The following MPZL1 variants were observed in gnomAD, a reference collection of about 807,000 sequenced individuals.
MPZL1 encodes the protein myelin protein zero like 1.
MPZL1 carries 16 observed loss-of-function variants against 29.3 expected under a neutral mutation model. The observed-to-expected ratio is 0.55, with a 90% CI of 0.37 to 0.83. The LOEUF (loss-of-function observed/expected upper bound fraction) is 0.83. MPZL1 is among the 40% of genes least tolerant of loss of function. The pLI, the probability that MPZL1 is intolerant of heterozygous loss-of-function variation, is 0.00. For synonymous variants in MPZL1, 143 were observed against 132.0 expected, an observed-to-expected ratio of 1.08 and a Z score of -0.57; for missense variants, 279 against 332.9, an observed-to-expected ratio of 0.84 and a Z score of 1.26.
In MPZL1 at chr1:167,725,164, A is replaced by G. The variant is rs116184038; in HGVS notation, c.91+2922A>G. On this transcript the variant is annotated intron_variant, in intron 1 of 5. Coordinates refer to ENST00000359523, the MANE Select transcript of MPZL1 (RefSeq NM_003953.6). Reference sequence around the variant, plus strand: ...TCTTCCCTGTCCTTCACATCCAATCAGTTCTCCCATCTTTAAAATGCATCT... The same window carrying G: ...TCTTCCCTGTCCTTCACATCCAATCGGTTCTCCCATCTTTAAAATGCATCT... Among the ~76,000 whole-genome samples, 621 of 152,280 alleles carry G rather than the reference A, an allele frequency of 4.1e-3. 3 individuals carry two copies. The highest frequency in any genetic ancestry group is 0.014 in the African/African-American group (595 of 41,546).
chr1:167,745,234 G>C (rs1660620523), intron 1 of MPZL1, among the ~76,000 whole-genome samples: 1 of 152,118 alleles, frequency 6.6e-6, no homozygotes, highest in African/African-American at 2.4e-5. Flanking sequence ...CCTGAGGAAA[G>C]GGGTACAGCT....
chr1:167,754,523 A>G (rs927945622), intron 1 of MPZL1, among the ~76,000 whole-genome samples: 36 of 152,338 alleles, frequency 2.4e-4, no homozygotes, highest in Non-Finnish European at 4.4e-4. Context: ...GTAAACTTAT[A>G]CAAGTGTGTT....
Position 167,722,044 on chromosome 1 carries a change from C to A in MPZL1, c.-108C>A. Reference sequence around the variant, plus strand: ...AGCGCGGCGTGGAGGTGCCACCCGGCGCGGGTGGCGGAGAGATCAGAAGCC... The same window carrying A: ...AGCGCGGCGTGGAGGTGCCACCCGGAGCGGGTGGCGGAGAGATCAGAAGCC... On this transcript the variant is annotated 5_prime_UTR_variant, in exon 1 of 6. Transcript: ENST00000359523. The A allele has an allele frequency of 1.6e-6, 2 of 1,218,208 alleles. No individual in the cohort carries two copies. 75.5% of individuals were successfully genotyped at this position (1,218,208 alleles called of 1,614,324 possible).
chr1:167,763,275 G>T (rs74319551), intron 1 of MPZL1, among the ~76,000 whole-genome samples: 24,892 of 152,074 alleles, frequency 0.16, 2,363 homozygotes, highest in East Asian at 0.35. Flanking sequence ...AGCACTTTGG[G>T]GGGGCCGGGG....
intron 2 of MPZL1, among the ~76,000 whole-genome samples, chr1:167,767,433 A>G (rs1379107734): frequency 6.6e-6 from 1 of 152,254 alleles, no homozygotes; most frequent in Non-Finnish European, 1.5e-5. Flanking sequence ...TTTATGCTGG[A>G]AACAGTCTTG....
At chr1:167,764,170 T>TC (rs1461043340) in intron 1 of MPZL1, among the ~76,000 whole-genome samples, 1 of 152,232 alleles carries the variant, frequency 6.6e-6, no homozygotes, top group Non-Finnish European at 1.5e-5. Context: ...AAGTTACCAA[T>TC]TTTGGGCCAA....
intron 1 of MPZL1, among the ~76,000 whole-genome samples, chr1:167,742,755 T>G (rs967763365): frequency 5.3e-5 from 8 of 152,194 alleles, no homozygotes; most frequent in African/African-American, 1.9e-4. Flanking sequence ...TCTAGAATTT[T>G]TATAGTTTCA....
rs560347520 is a variant in MPZL1 at position 167,748,808 on chromosome 1, A to G, written c.92-16775A>G. Among the ~76,000 whole-genome samples the G allele has an allele frequency of 5.9e-5, 9 of 152,252 alleles. No individual in the cohort carries two copies. In the East Asian group the frequency reaches 1.5e-3, roughly 26 times the overall value. On this transcript the variant is annotated intron_variant, in intron 1 of 5. Coordinates refer to ENST00000359523, the MANE Select transcript of MPZL1 (RefSeq NM_003953.6). The stretch of plus-strand genomic sequence containing the variant: ...AATTTTTGTATATGATGTGCTTTAC[A>G]TTTTGTACTTTTCATTTAATAATAT...
At chr1:167,733,308 T>G (rs942844183) in intron 1 of MPZL1, among the ~76,000 whole-genome samples, 2 of 152,212 alleles carry the variant, frequency 1.3e-5, no homozygotes, top group African/African-American at 4.8e-5. Flanking sequence ...ATGATCCAAT[T>G]ATTCCCACTG....
chr1:167,780,015 T>C (rs2101796974), intron 5 of MPZL1, among the ~76,000 whole-genome samples: 1 of 152,338 alleles, frequency 6.6e-6, no homozygotes, highest in East Asian at 1.9e-4. Context: ...GACATAATCC[T>C]AAATGTTTAT....
At chr1:167,766,764 C>G (rs2101783678) in intron 2 of MPZL1, among the ~76,000 whole-genome samples, 1 of 152,252 alleles carries the variant, frequency 6.6e-6, no homozygotes, top group Admixed American at 6.5e-5. Flanking sequence ...ATGGGAGACA[C>G]TGACTCAAGA....
At chr1:167,724,233 T>A (rs889360742) in intron 1 of MPZL1, among the ~76,000 whole-genome samples, 2 of 152,224 alleles carry the variant, frequency 1.3e-5, no homozygotes, top group African/African-American at 2.4e-5. Flanking sequence ...GAGTTATGAA[T>A]GAACCTGTTG....
intron 1 of MPZL1, among the ~76,000 whole-genome samples, chr1:167,726,725 CTCCAGGATA>C (rs893825619): frequency 6.6e-6 from 1 of 152,170 alleles, no homozygotes; most frequent in Non-Finnish European, 1.5e-5. Flanking sequence ...TTTACTCCAA[CTCCAGGATA>C]TCCACTAGGC....
chr1:167,771,512 G>A (rs7537431), intron 2 of MPZL1, among the ~76,000 whole-genome samples: 14,686 of 151,960 alleles, frequency 0.097, 766 homozygotes, highest in South Asian at 0.15. Context: ...CTGTCTCTTC[G>A]GAGCTGTTGG....
intron 1 of MPZL1, among the ~76,000 whole-genome samples, chr1:167,726,347 A>C (rs1000266350): frequency 1.8e-4 from 27 of 152,254 alleles, no homozygotes; most frequent in African/African-American, 6.0e-4. Flanking sequence ...TCCTTATTGT[A>C]ATTTCTATAT....
chr1:167,765,623 A>G lies in MPZL1; in HGVS notation c.132A>G (p.Lys44=). 6.2e-7 allele frequency: 1 copy of G among 1,613,180 alleles called. No homozygotes were observed. The highest frequency in any genetic ancestry group is 2.2e-5 in the East Asian group (1 of 44,852). Residue 44 remains lysine (K), a synonymous_variant, in exon 2 of 6, where the codon AAA becomes AAG. Transcript: ENST00000359523. ...CAGCCTTGGAAGTATATACGCCAAA[A>G]GAAATCTTCGTGGCAAATGGTACAC... is the stretch of plus-strand genomic sequence containing the variant. ...GVSALEVYTP[K]EIFVANGTQG...
intron 5 of MPZL1, among the ~76,000 whole-genome samples, chr1:167,779,148 A>G (rs10918763): frequency 0.2 from 29,777 of 151,934 alleles, 3,072 homozygotes; most frequent in Non-Finnish European, 0.24. Flanking sequence ...AAAAAAAGAA[A>G]GTGAACAGAG....
chr1:167,740,534 C>T (rs932937913), intron 1 of MPZL1, among the ~76,000 whole-genome samples: 2 of 152,150 alleles, frequency 1.3e-5, no homozygotes, highest in Non-Finnish European at 2.9e-5. Context: ...GCTCCCTTTC[C>T]GCCACCTTTT....
Position 167,728,358 on chromosome 1 carries a change from CTTTCT to C in MPZL1, c.91+6120_91+6124del, listed in dbSNP as rs1350747759. On this transcript the variant is annotated intron_variant, in intron 1 of 5. Coordinates refer to ENST00000359523, the MANE Select transcript of MPZL1 (RefSeq NM_003953.6). ...TTTTTTTTCTTTTTTTTCTTTCTTT[CTTTCT>C]TTTTTTTTTTTTTTTTGTATTTTTA... Among the ~76,000 whole-genome samples the C allele has an allele frequency of 8.8e-5, 11 of 124,562 alleles. No individual in the cohort carries two copies. The East Asian group carries it at 2.2e-3, about 25-fold the overall frequency. The allele number at this position is 124,562 out of a possible 152,430, so 81.7% of individuals were successfully genotyped here.
Sources: allele counts gnomAD v4.1 joint callset (sites outside exome capture counted in the v4.1 genomes callset), GRCh38; gene constraint gnomAD v4.1.1; transcripts MANE v1.5; gene names NCBI Gene and HGNC (gene_info 2026-07-23, HGNC 2026-07-21).